Variants in ATOSA observed in about 807,000 individuals in gnomAD.
ATOSA encodes the protein atos homolog protein A.
At chr15:52,675,947 G>C in the ATOSA span, among the ~76,000 whole-genome samples, 1 of 151,756 alleles carries the variant, frequency 6.6e-6, no homozygotes, top group Admixed American at 6.6e-5. Flanking sequence ...AGAAAACTTA[G>C]TGTTAAGTAC....
chr15:52,591,489 A>T, the ATOSA span, among the ~76,000 whole-genome samples: 1 of 152,100 alleles, frequency 6.6e-6, no homozygotes, highest in Non-Finnish European at 1.5e-5. Context: ...GCTTCAGGTG[A>T]TCTGTCCGCC....
chr15:52,607,769 A>T, the ATOSA span, among the ~76,000 whole-genome samples: 1 of 152,228 alleles, frequency 6.6e-6, no homozygotes, highest in South Asian at 2.1e-4. Context: ...ATATACAAGC[A>T]ATATACAAAA....
the ATOSA span, among the ~76,000 whole-genome samples, chr15:52,703,903 G>A: frequency 6.6e-6 from 1 of 151,968 alleles, no homozygotes. Context: ...GTACTATATC[G>A]CTGTGTAAAA....
At chr15:52,619,207 A>G in the ATOSA span, among the ~76,000 whole-genome samples, 1 of 152,236 alleles carries the variant, frequency 6.6e-6, no homozygotes, top group Non-Finnish European at 1.5e-5. Flanking sequence ...ACTAAATCAT[A>G]GTAGTCCTCA....
At chr15:52,644,688 C>A in the ATOSA span, among the ~76,000 whole-genome samples, 165 of 152,160 alleles carry the variant, frequency 1.1e-3, 1 homozygote, top group African/African-American at 3.6e-3. Flanking sequence ...ATTTTAATTG[C>A]CAATTGTTTT....
At chr15:52,609,859 A>T in the ATOSA span, 1 of 1,613,750 alleles carries the variant, frequency 6.2e-7, no homozygotes, top group African/African-American at 1.3e-5. Flanking sequence ...TGACTGCCAG[A>T]AACTCTGGCG....
chr15:52,700,032 G>A, the ATOSA span, among the ~76,000 whole-genome samples: 2 of 152,158 alleles, frequency 1.3e-5, no homozygotes, highest in East Asian at 3.8e-4. Flanking sequence ...TATTTTCAAT[G>A]TATAAATTTT....
chr15:52,629,178 A>G, the ATOSA span, among the ~76,000 whole-genome samples: 1 of 152,178 alleles, frequency 6.6e-6, no homozygotes, highest in South Asian at 2.1e-4. Context: ...AAAATTCAAT[A>G]TCACGTTAGA....
chr15:52,684,935 A>T, the ATOSA span, among the ~76,000 whole-genome samples: 1 of 152,252 alleles, frequency 6.6e-6, no homozygotes, highest in African/African-American at 2.4e-5. Flanking sequence ...AGTATAAAAT[A>T]TACAGCAGAT....
chr15:52,668,961 A>C, the ATOSA span, among the ~76,000 whole-genome samples: 1 of 149,930 alleles, frequency 6.7e-6, no homozygotes, highest in African/African-American at 2.5e-5. Context: ...GCTTGAGTGC[A>C]GTGGTGCAAT....
At chr15:52,660,566 T>C in the ATOSA span, among the ~76,000 whole-genome samples, 1 of 152,274 alleles carries the variant, frequency 6.6e-6, no homozygotes, top group Non-Finnish European at 1.5e-5. Context: ...ACTTGGAATG[T>C]GTTTATCTTA....
At chr15:52,640,718 A>C in the ATOSA span, among the ~76,000 whole-genome samples, 1 of 151,970 alleles carries the variant, frequency 6.6e-6, no homozygotes, top group Non-Finnish European at 1.5e-5. Flanking sequence ...ATATACTACT[A>C]GATCTGAAAA....
chr15:52,609,143 T>C, the ATOSA span: 4 of 1,613,586 alleles, frequency 2.5e-6, no homozygotes, highest in South Asian at 1.1e-5. Flanking sequence ...ATGATTTCAC[T>C]AGGATTGTTC....
At chr15:52,634,111 T>A in the ATOSA span, among the ~76,000 whole-genome samples, 43 of 151,646 alleles carry the variant, frequency 2.8e-4, no homozygotes, top group Admixed American at 2.0e-3. Flanking sequence ...AAATAGAATT[T>A]AAAAAAAATC....
the ATOSA span, among the ~76,000 whole-genome samples, chr15:52,607,341 T>G: frequency 3.3e-5 from 5 of 152,332 alleles, no homozygotes; most frequent in South Asian, 6.2e-4. Context: ...AATACAAATT[T>G]GATTTCTGAC....
At chr15:52,652,814 A>G in the ATOSA span, among the ~76,000 whole-genome samples, 481 of 152,338 alleles carry the variant, frequency 3.2e-3, 3 homozygotes, top group African/African-American at 0.011. Flanking sequence ...ACCCAGAGAT[A>G]TAGAAGTATA....
the ATOSA span, among the ~76,000 whole-genome samples, chr15:52,688,475 C>T: frequency 1.3e-4 from 20 of 151,434 alleles, no homozygotes; most frequent in African/African-American, 4.8e-4. Context: ...AGAGGTCAAT[C>T]ATCCATCCTC....
At chr15:52,699,899 A>C in the ATOSA span, among the ~76,000 whole-genome samples, 1 of 152,168 alleles carries the variant, frequency 6.6e-6, no homozygotes. Context: ...TGTTTCTTAG[A>C]ATTTTCAGCT....
the ATOSA span, chr15:52,600,121 C>T: frequency 6.5e-7 from 1 of 1,533,408 alleles, no homozygotes; most frequent in Non-Finnish European, 9.0e-7. Context: ...TTTCAAAGCA[C>T]ATTACCTCAA....
Sources: allele counts gnomAD v4.1 joint callset (sites outside exome capture counted in the v4.1 genomes callset), GRCh38; gene constraint gnomAD v4.1.1; transcripts MANE v1.5; gene names NCBI Gene and HGNC (gene_info 2026-07-23, HGNC 2026-07-21).